The following ARHGAP24 variants were observed in gnomAD, a reference collection of about 807,000 sequenced individuals.
ARHGAP24 encodes Rho GTPase activating protein 24.
A neutral mutation model predicts 76.4 loss-of-function variants in ARHGAP24; 50 were observed. The observed-to-expected ratio is 0.65, with a 90% CI of 0.52 to 0.83. The LOEUF is 0.83. Among genes scored for constraint, ARHGAP24 ranks in the 40% least tolerant of loss-of-function variants. The probability of loss-of-function intolerance (pLI) is 0.00; values close to 1 mark genes in which losing one functional copy is unlikely to be tolerated. For missense variants in ARHGAP24, 930 were observed against 914.2 expected (o/e 1.02, Z -0.22); for synonymous variants, 345 against 323.3 (o/e 1.07, Z -0.72).
intron 4 of ARHGAP24, among the ~76,000 whole-genome samples, chr4:85,926,050 A>AG (rs1478895725): frequency 6.6e-6 from 1 of 151,958 alleles, no homozygotes; most frequent in African/African-American, 2.4e-5. Context: ...CTTCCTGAAA[A>AG]AAAAAAAGAA....
At chr4:85,930,714 G>T in intron 4 of ARHGAP24, 1 of 1,264,926 alleles carries the variant, frequency 7.9e-7, no homozygotes, top group Middle Eastern at 3.1e-4. Flanking sequence ...CCCTGGATTA[G>T]GCAAGAGAAA....
intron 2 of ARHGAP24, among the ~76,000 whole-genome samples, chr4:85,589,999 A>T (rs1728018049): frequency 6.6e-6 from 1 of 152,198 alleles, no homozygotes. Context: ...GTTAATTTAG[A>T]TTATCCCTCT....
At position 85,576,318 on chromosome 4, in the gene ARHGAP24, T is replaced by C. The variant is rs192313658; in HGVS notation, c.180+5597T>C. Among the ~76,000 whole-genome samples, 879 of 152,016 alleles carry C rather than the reference T, an allele frequency of 5.8e-3. 8 individuals are homozygous for C. The highest frequency in any genetic ancestry group is 0.02 in the African/African-American group (815 of 41,442). ...GGTGGCGGGCGCCTGTAGTACCACCTACTCCGGAGGCTGAGGCAGGAAAAT... is the reference window on the plus strand; with the variant it reads ...GGTGGCGGGCGCCTGTAGTACCACCCACTCCGGAGGCTGAGGCAGGAAAAT... On this transcript the variant is annotated intron_variant, in intron 2 of 9. Transcript: ENST00000395184.
intron 2 of ARHGAP24, among the ~76,000 whole-genome samples, chr4:85,677,163 A>G (rs1318159336): frequency 1.3e-5 from 2 of 152,236 alleles, no homozygotes; most frequent in Non-Finnish European, 2.9e-5. Flanking sequence ...CAACAGACAC[A>G]CATGCAAGCC....
chr4:85,565,892 G>T (rs1356769811), intron 1 of ARHGAP24, among the ~76,000 whole-genome samples: 1 of 152,140 alleles, frequency 6.6e-6, no homozygotes, highest in Non-Finnish European at 1.5e-5. Context: ...AGTTTTTCAG[G>T]AGCATGAATT....
chr4:85,624,656 G>T (rs1176370501), intron 2 of ARHGAP24, among the ~76,000 whole-genome samples: 1 of 152,182 alleles, frequency 6.6e-6, no homozygotes, highest in East Asian at 1.9e-4. Flanking sequence ...TTTTCAGAAG[G>T]AATGGTACCA....
intron 3 of ARHGAP24, chr4:85,778,969 C>T (rs1198314860): frequency 1.3e-5 from 13 of 985,276 alleles, no homozygotes; most frequent in Non-Finnish European, 1.1e-5. Context: ...TTATAAGGTA[C>T]TGTTTTTACT....
chr4:85,606,333 G>A (rs1425910745), intron 2 of ARHGAP24, among the ~76,000 whole-genome samples: 7 of 151,976 alleles, frequency 4.6e-5, no homozygotes, highest in Admixed American at 1.3e-4. Context: ...CTAACACAGC[G>A]AAACCCTGTC....
At chr4:85,646,674 C>T (rs1721734104) in intron 2 of ARHGAP24, among the ~76,000 whole-genome samples, 1 of 151,936 alleles carries the variant, frequency 6.6e-6, no homozygotes, top group African/African-American at 2.4e-5. Context: ...AATATCATGA[C>T]TTTTTAAAAT....
At chr4:85,851,659 C>G (rs971369920) in intron 3 of ARHGAP24, among the ~76,000 whole-genome samples, 10 of 152,164 alleles carry the variant, frequency 6.6e-5, no homozygotes, top group Non-Finnish European at 1.2e-4. Context: ...GACAAAATCT[C>G]TCAGGATTTG....
At chr4:85,696,645 TCAA>T (rs1189973128) in intron 2 of ARHGAP24, among the ~76,000 whole-genome samples, 11 of 152,330 alleles carry the variant, frequency 7.2e-5, no homozygotes, top group Middle Eastern at 3.4e-3. Flanking sequence ...AAGTTTTACA[TCAA>T]ATGGCAATTT....
At chr4:85,519,025 T>A (rs529979996) in intron 1 of ARHGAP24, among the ~76,000 whole-genome samples, 39 of 152,092 alleles carry the variant, frequency 2.6e-4, no homozygotes, top group Admixed American at 1.0e-3. Context: ...CACCCCAACA[T>A]ACAAATGGCT....
At chr4:85,628,441 G>T (rs12504294) in intron 2 of ARHGAP24, among the ~76,000 whole-genome samples, 49,993 of 151,962 alleles carry the variant, frequency 0.33, 9,260 homozygotes, top group East Asian at 0.84. Flanking sequence ...GCTTGAAAAA[G>T]AATATGTTGG....
intron 3 of ARHGAP24, among the ~76,000 whole-genome samples, chr4:85,827,585 G>A (rs963313427): frequency 4.0e-5 from 6 of 151,412 alleles, no homozygotes; most frequent in African/African-American, 1.5e-4. Context: ...GGTGCCATTT[G>A]GGATTCTCAG....
intron 3 of ARHGAP24, among the ~76,000 whole-genome samples, chr4:85,800,125 T>G (rs961419549): frequency 2.6e-5 from 4 of 152,216 alleles, no homozygotes; most frequent in Non-Finnish European, 5.9e-5. Flanking sequence ...CCAAAATTAA[T>G]TGCTTAATTT....
intron 1 of ARHGAP24, among the ~76,000 whole-genome samples, chr4:85,526,397 CAAAAA>C (rs397945077): frequency 1.3e-5 from 1 of 76,990 alleles, no homozygotes; most frequent in Admixed American, 1.5e-4. Flanking sequence ...AAGACCCTGT[CAAAAA>C]AAAAAAAAAA....
intron 1 of ARHGAP24, among the ~76,000 whole-genome samples, chr4:85,502,645 T>C (rs529142077): frequency 6.6e-6 from 1 of 152,328 alleles, no homozygotes; most frequent in African/African-American, 2.4e-5. Flanking sequence ...TTTCTAAACA[T>C]AGAATCATGT....
At chr4:85,685,044 T>C (rs1182732555) in intron 2 of ARHGAP24, among the ~76,000 whole-genome samples, 1 of 152,218 alleles carries the variant, frequency 6.6e-6, no homozygotes, top group African/African-American at 2.4e-5. Context: ...AATGGTTTCA[T>C]TATTAGATTC....
At chr4:85,990,865 A>G (rs1740279860) in intron 8 of ARHGAP24, 1 of 152,040 alleles carries the variant, frequency 6.6e-6, no homozygotes, top group Non-Finnish European at 1.5e-5. Context: ...TGTGCTAGTG[A>G]AGACTCAGGA....
Sources: gnomAD v4.1 joint callset for allele counts (sites outside exome capture counted in the v4.1 genomes callset) on GRCh38, gnomAD v4.1.1 for gene constraint, MANE v1.5 for transcripts, NCBI Gene and HGNC (gene_info 2026-07-23, HGNC 2026-07-21) for gene names.